Variants in OR9I1 observed in about 807,000 individuals in gnomAD.
The protein encoded by OR9I1 is olfactory receptor 9I1.
A neutral mutation model predicts 11.2 loss-of-function variants in OR9I1; 7 were observed. The ratio of observed to expected loss-of-function variants is 0.62; its 90% CI spans 0.36 to 1.17. The LOEUF (loss-of-function observed/expected upper bound fraction) is 1.17, where lower values mean the gene tolerates loss of function less well. Ranked by LOEUF, OR9I1 falls within the 50% of genes most tolerant of loss-of-function variation. The pLI is 0.02. For missense variants in OR9I1, 428 were observed against 377.2 expected (o/e 1.13, Z -1.12); for synonymous variants, 165 against 153.4 (o/e 1.08, Z -0.56).
chr11:58,119,032 G>T lies in OR9I1; in HGVS notation c.413C>A (p.Pro138His). The T allele has an allele frequency of 4.3e-6, 7 of 1,613,966 alleles. No individual in the cohort carries two copies. The highest frequency in any genetic ancestry group is 5.9e-6 in the Non-Finnish European group (7 of 1,179,978). ...TACCACCAGGCTCCAGCAGAGCCTG[G>T]GATTCATGGCCACGGTATAGAGCAG... ...NPLLYTVAMN[P>H]RLCWSLVVGA... Residue 138 changes from proline to histidine, a missense_variant, in exon 3 of 3, where the codon CCC (proline) becomes CAC (histidine). Physicochemically the swap from Pro to His is moderately conservative, Grantham distance 77. Transcript: ENST00000641439.
At chr11:58,124,696 G>A (rs1390290259) in intron 1 of OR9I1, 57 bp from the exon 2 acceptor site, 2 of 152,120 alleles carry the variant, frequency 1.3e-5, no homozygotes, top group Non-Finnish European at 2.9e-5. Context: ...GGAAATGAAG[G>A]TTTAGAGACA....
chr11:58,117,285 C>A lies in OR9I1; in HGVS notation c.*1215G>T, dbSNP rs139710577. The A allele has an allele frequency of 2.8e-4, 43 of 152,002 alleles. No homozygotes were observed. The highest frequency in any genetic ancestry group is 1.4e-3 in the Admixed American group (22 of 15,250). 9.4% of individuals were successfully genotyped at this position (152,002 alleles called of 1,614,324 possible). Reference sequence around the variant, plus strand: ...AGGTCTGCAAAATTAAATCATTTACCCAAAGTCTCATAATAAATCAGTGGT... The same window carrying A: ...AGGTCTGCAAAATTAAATCATTTACACAAAGTCTCATAATAAATCAGTGGT... On this transcript the variant is annotated 3_prime_UTR_variant, in exon 3 of 3. Transcript: ENST00000641439.
chr11:58,120,802 C>CTATATATA (rs1216448405), intron 2 of OR9I1, among the ~76,000 whole-genome samples: 1 of 72,950 alleles, frequency 1.4e-5, no homozygotes, highest in Admixed American at 1.7e-4. Flanking sequence ...TATTTCAATA[C>CTATATATA]CATATATATA....
At chr11:58,120,998 G>A (rs978753499) in intron 2 of OR9I1, among the ~76,000 whole-genome samples, 1 of 151,558 alleles carries the variant, frequency 6.6e-6, no homozygotes, top group African/African-American at 2.4e-5. Context: ...TCTATATTTT[G>A]ACTACGGGTT....
intron 2 of OR9I1, among the ~76,000 whole-genome samples, chr11:58,123,973 C>A (rs1264412894): frequency 2.0e-5 from 3 of 152,082 alleles, no homozygotes; most frequent in African/African-American, 7.2e-5. Context: ...CAATTGGAAC[C>A]TCAATTTTTT....
chr11:58,119,729 G>T (rs1438991449), intron 2 of OR9I1, among the ~76,000 whole-genome samples: 3 of 152,154 alleles, frequency 2.0e-5, no homozygotes, highest in African/African-American at 7.2e-5. Context: ...GTTTGGAAGA[G>T]ACCTAGACAG....
At chr11:58,122,413 T>C (rs1484072779) in intron 2 of OR9I1, among the ~76,000 whole-genome samples, 4 of 152,196 alleles carry the variant, frequency 2.6e-5, no homozygotes, top group African/African-American at 9.6e-5. Flanking sequence ...ACTTCAAACG[T>C]TTATTTTCCC....
rs749191317 is a variant in OR9I1, at chr11:58,119,173, A to T, written c.272T>A (p.Val91Asp). ...GGCAGCACAGTGGCCGTAGGAGATG[A>T]CCGTTTTGCCTGTGGCCAATGTGGC... is the stretch of plus-strand genomic sequence containing the variant. ...ILATLATGKT[V>D]ISYGHCAAQF... Residue 91 changes from valine (V) to aspartate (D), a missense_variant, in exon 3 of 3, where the codon GTC (valine) becomes GAC (aspartate). Physicochemically the swap from Val to Asp is radical, Grantham distance 152. Transcript: ENST00000641439. The T allele has an allele frequency of 1.9e-6, 3 of 1,613,878 alleles. No homozygotes were observed. In the African/African-American group the frequency reaches 4.0e-5, roughly 22 times the overall value.
intron 1 of OR9I1, among the ~76,000 whole-genome samples, 154 bp from the exon 2 acceptor site, chr11:58,124,793 T>G (rs2441966): frequency 1.3e-5 from 2 of 152,062 alleles, no homozygotes; most frequent in African/African-American, 4.8e-5. Context: ...GTTGGAGTGT[T>G]GAATCAACAC....
Position 58,118,897 on chromosome 11 carries a change from G to A in OR9I1, c.548C>T (p.Pro183Leu). 1.9e-6 allele frequency: 3 copies of A among 1,614,034 alleles called. No individual in the cohort carries two copies. In the South Asian group the frequency reaches 3.3e-5, roughly 18 times the overall value. The part of the protein sequence containing the change: ...QINFFFCDLP[P>L]LLKLACSDTA... ...GTCACTGCAGGCAAGCTTCAGCAGG[G>A]GTGGGAGGTCACAGAAGAAGAAGTT... Residue 183 changes from proline to leucine, a missense_variant, in exon 3 of 3, where the codon CCC (proline) becomes CTC (leucine). Transcript: ENST00000641439.
At chr11:58,120,853 G>T (rs1341718915) in intron 2 of OR9I1, among the ~76,000 whole-genome samples, 3 of 132,826 alleles carry the variant, frequency 2.3e-5, no homozygotes, top group Non-Finnish European at 3.2e-5. Context: ...TTTTGACTGA[G>T]TAAATTTGAC....
chr11:58,118,814 C>T lies in OR9I1; in HGVS notation c.631G>A (p.Ala211Thr). Residue 211 changes from alanine (A) to threonine (T), a missense_variant, in exon 3 of 3, where the codon GCC (alanine) becomes ACC (threonine). Coordinates refer to ENST00000641439, the MANE Select transcript of OR9I1 (RefSeq NM_001005211.2). ...FFGNFVILANASVILISYLLI... is the reference protein window; with the variant it reads ...FFGNFVILANTSVILISYLLI... ...AGATAGGAAATCAGGATGACGGAGG[C>T]ATTGGCCAAAATCACAAAATTGCCA... 2.5e-6 allele frequency: 4 copies of T among 1,614,032 alleles called. No individual in the cohort carries two copies. The highest frequency in any genetic ancestry group is 3.4e-6 in the Non-Finnish European group (4 of 1,179,980).
chr11:58,118,986 C>G lies in OR9I1; in HGVS notation c.459G>C (p.Val153=). The G allele has an allele frequency of 3.1e-6, 5 of 1,613,910 alleles. No individual in the cohort carries two copies. The highest frequency in any genetic ancestry group is 4.2e-6 in the Non-Finnish European group (5 of 1,179,980). The change falls in exon 3 of 3, where the codon GTG becomes GTC. Residue 153 remains valine (V), a synonymous_variant. Coordinates refer to ENST00000641439, the MANE Select transcript of OR9I1 (RefSeq NM_001005211.2). ...SLVVGAYVCG[V]SGAILRTTCT... ...AAGTGGTACGCAGGATGGCTCCTGA[C>G]ACCCCACAGACATAGGCTCCTACCA...
At chr11:58,123,081 T>G (rs1042570941) in intron 2 of OR9I1, among the ~76,000 whole-genome samples, 1 of 152,136 alleles carries the variant, frequency 6.6e-6, no homozygotes, top group African/African-American at 2.4e-5. Flanking sequence ...AAAGCAGCCC[T>G]TTAAGCAGAT....
intron 2 of OR9I1, among the ~76,000 whole-genome samples, chr11:58,121,481 T>C (rs1191407907): frequency 6.6e-6 from 1 of 152,196 alleles, no homozygotes; most frequent in African/African-American, 2.4e-5. Flanking sequence ...TTGTTTGTGT[T>C]TGAGAAGTGG....
At chr11:58,124,804 G>T (rs562953899) in intron 1 of OR9I1, among the ~76,000 whole-genome samples, 165 bp from the exon 2 acceptor site, 5 of 152,144 alleles carry the variant, frequency 3.3e-5, no homozygotes, top group African/African-American at 7.2e-5. Context: ...GAATCAACAC[G>T]CTGTGCTGCT....
rs1853999766 is a variant in OR9I1, at chr11:58,119,292, T to C, written c.153A>G (p.Val51=). The C allele has an allele frequency of 6.2e-7, 1 of 1,613,846 alleles. No homozygotes were observed. Among genetic ancestry groups the C allele is most frequent in the African/African-American group, 1.3e-5 (1 of 74,904 alleles). The change falls in exon 3 of 3, where the codon GTA becomes GTG. Residue 51 remains valine, a synonymous_variant. Transcript: ENST00000641439. ...GNVGMIMLIQ[V]DVKLYTPMYF... is the part of the protein sequence containing the mutation. ...ACATTGGGGTGTAGAGTTTGACATC[T>C]ACTTGGATTAACATAATCATCCCCA...
At chr11:58,122,923 G>A (rs377684061) in intron 2 of OR9I1, among the ~76,000 whole-genome samples, 31 of 150,448 alleles carry the variant, frequency 2.1e-4, no homozygotes, top group African/African-American at 7.6e-4. Flanking sequence ...AGCATACACC[G>A]TATTTTTGTG....
intron 2 of OR9I1, among the ~76,000 whole-genome samples, chr11:58,122,803 A>G (rs1256748915): frequency 1.3e-5 from 2 of 151,848 alleles, no homozygotes; most frequent in African/African-American, 2.4e-5. Context: ...ATATCCTTCT[A>G]TGTTTATTCT....
Sources: allele counts gnomAD v4.1 joint callset (sites outside exome capture counted in the v4.1 genomes callset), GRCh38; gene constraint gnomAD v4.1.1; transcripts MANE v1.5; gene names NCBI Gene and HGNC (gene_info 2026-07-23, HGNC 2026-07-21).